The following NAV2 variants were observed in gnomAD, a reference collection of about 807,000 sequenced individuals.
The protein encoded by NAV2 is neuron navigator 2.
NAV2 carries 54 observed loss-of-function variants against 223.2 expected under a neutral mutation model. The ratio of observed to expected loss-of-function variants is 0.24; its 90% confidence interval spans 0.19 to 0.30. The LOEUF (loss-of-function observed/expected upper bound fraction) is 0.30. Among genes scored for constraint, NAV2 ranks in the 10% least tolerant of loss-of-function variants. The pLI is 1.00. For missense variants in NAV2, 2,806 were observed against 3,147.5 expected, an observed-to-expected ratio of 0.89 and a Z score of 2.60; for synonymous variants, 1,279 against 1,239.3, an observed-to-expected ratio of 1.03 and a Z score of -0.67.
intron 1 of NAV2, among the ~76,000 whole-genome samples, chr11:19,501,461 A>G (rs1414491649): frequency 1.3e-5 from 2 of 152,138 alleles, no homozygotes; most frequent in Admixed American, 6.6e-5. Context: ...TACAGTAGCT[A>G]TAATTCCACA....
At chr11:19,464,758 C>G (rs752313334) in intron 1 of NAV2, among the ~76,000 whole-genome samples, 1 of 152,176 alleles carries the variant, frequency 6.6e-6, no homozygotes, top group Admixed American at 6.5e-5. Context: ...GAGACAAACT[C>G]GTGCAAAAAG....
At chr11:20,113,179 C>T (rs1393180853) in intron 36 of NAV2, among the ~76,000 whole-genome samples, 6 of 152,344 alleles carry the variant, frequency 3.9e-5, no homozygotes, top group Non-Finnish European at 5.9e-5. Context: ...TGGCTTCTCT[C>T]CTCCCTGGGC....
chr11:19,969,870 C>T (rs1304026236), intron 10 of NAV2, among the ~76,000 whole-genome samples: 4 of 151,322 alleles, frequency 2.6e-5, no homozygotes, highest in Non-Finnish European at 5.9e-5. Context: ...GGCGTGAACC[C>T]GGGAGGCGGA....
chr11:19,879,866 CAGAG>C lies in NAV2; in HGVS notation c.512-1_514del. 1 of 1,613,952 alleles carries C rather than the reference CAGAG, an allele frequency of 6.2e-7. No individual in the cohort carries two copies. Among genetic ancestry groups the C allele is most frequent in the South Asian group, 1.1e-5 (1 of 91,074 alleles). On this transcript the variant is annotated splice_acceptor_variant and coding_sequence_variant, in exon 5 of 38. Coordinates refer to ENST00000349880, the MANE Select transcript of NAV2 (RefSeq NM_145117.5). LOFTEE classifies it high-confidence loss of function. ...TGACAAGAGTCTCTTTATTGTCTTG[CAGAG>C]ATCAGGAATGGAAACCTCAAGGCCA...
intron 1 of NAV2, among the ~76,000 whole-genome samples, chr11:19,691,985 GC>G (rs1342970875): frequency 6.6e-6 from 1 of 152,210 alleles, no homozygotes; most frequent in Non-Finnish European, 1.5e-5. Context: ...CCACTGTCTG[GC>G]CAGGTGGTTT....
chr11:20,026,599 C>T (rs570385012), intron 11 of NAV2, among the ~76,000 whole-genome samples: 6 of 152,324 alleles, frequency 3.9e-5, no homozygotes, highest in South Asian at 4.2e-4. Context: ...CGTGAGCCAT[C>T]GTGCCTGGCC....
chr11:20,028,904 T>A (rs2055389645), intron 11 of NAV2, among the ~76,000 whole-genome samples: 1 of 152,134 alleles, frequency 6.6e-6, no homozygotes, highest in South Asian at 2.1e-4. Flanking sequence ...AAACTCAAAT[T>A]GCAGGACCAA....
chr11:19,819,276 G>A (rs572808007), intron 1 of NAV2, among the ~76,000 whole-genome samples: 64 of 152,318 alleles, frequency 4.2e-4, no homozygotes, highest in African/African-American at 1.4e-3. Flanking sequence ...AATTCTGTTA[G>A]GAGTAGGCAA....
intron 11 of NAV2, among the ~76,000 whole-genome samples, chr11:20,023,301 G>GGGGGGGGGGGGGGA (rs2054685558): frequency 6.9e-6 from 1 of 143,948 alleles, no homozygotes; most frequent in African/African-American, 2.5e-5. Context: ...AGGGGGCGGG[G>GGGGGGGGGGGGGGA]GGCAAGGTTG....
chr11:19,806,008 TTATTTA>T (rs946054605), intron 1 of NAV2, among the ~76,000 whole-genome samples: 7 of 152,202 alleles, frequency 4.6e-5, no homozygotes, highest in African/African-American at 1.7e-4. Flanking sequence ...AGGTTTTTAT[TTATTTA>T]TTTTGTCCCC....
intron 11 of NAV2, among the ~76,000 whole-genome samples, chr11:19,995,594 C>T (rs1256744748): frequency 6.6e-6 from 1 of 152,020 alleles, no homozygotes; most frequent in African/African-American, 2.4e-5. Context: ...AATGTCTGGA[C>T]CTGAAGAACC....
intron 1 of NAV2, among the ~76,000 whole-genome samples, chr11:19,723,654 T>A (rs1263735761): frequency 6.6e-6 from 1 of 152,200 alleles, no homozygotes; most frequent in Non-Finnish European, 1.5e-5. Context: ...TGAGGAGCCC[T>A]ATTTGGCCTT....
chr11:19,502,355 C>T (rs929305308), intron 1 of NAV2, among the ~76,000 whole-genome samples: 8 of 152,242 alleles, frequency 5.3e-5, no homozygotes, highest in African/African-American at 9.6e-5. Context: ...ATAAGTAAAT[C>T]GACATAAAGC....
At chr11:19,396,612 G>T (rs1181078803) in intron 1 of NAV2, among the ~76,000 whole-genome samples, 2 of 152,164 alleles carry the variant, frequency 1.3e-5, no homozygotes, top group Non-Finnish European at 2.9e-5. Flanking sequence ...GGGTGGGGAG[G>T]TCTCAACAGT....
At chr11:20,054,446 C>T (rs568302143) in intron 18 of NAV2, among the ~76,000 whole-genome samples, 3 of 152,264 alleles carry the variant, frequency 2.0e-5, no homozygotes, top group South Asian at 4.1e-4. Flanking sequence ...ATAGTCACAT[C>T]CCGCTCAGTG....
chr11:20,107,838 C>G (rs968330677), intron 36 of NAV2, 56 bp downstream of exon 36: 1 of 1,201,114 alleles, frequency 8.3e-7, no homozygotes, highest in African/African-American at 1.5e-5. Context: ...TTCTGGTGAC[C>G]AGATGAGTTG....
At chr11:19,910,626 A>AG (rs2153220184) in intron 6 of NAV2, among the ~76,000 whole-genome samples, 2 of 152,348 alleles carry the variant, frequency 1.3e-5, no homozygotes, top group East Asian at 3.9e-4. Flanking sequence ...TGGGAGGCCG[A>AG]GGCAGGCTGA....
intron 1 of NAV2, among the ~76,000 whole-genome samples, chr11:19,391,719 A>G (rs1301581177): frequency 6.6e-6 from 1 of 152,136 alleles, no homozygotes; most frequent in East Asian, 1.9e-4. Context: ...TGGATTTCAT[A>G]CTGTGTGTTG....
At chr11:19,883,712 T>C (rs1261799748) in intron 5 of NAV2, among the ~76,000 whole-genome samples, 1 of 152,220 alleles carries the variant, frequency 6.6e-6, no homozygotes, top group East Asian at 1.9e-4. Flanking sequence ...TTTCTTTTAT[T>C]AAGCCTAACT....
Sources: allele counts gnomAD v4.1 joint callset (sites outside exome capture counted in the v4.1 genomes callset), GRCh38; gene constraint gnomAD v4.1.1; transcripts MANE v1.5; gene names NCBI Gene and HGNC (gene_info 2026-07-23, HGNC 2026-07-21).